IARS2: variants seen among roughly 807,000 people sequenced by gnomAD.
The protein encoded by IARS2 is isoleucine--tRNA ligase, mitochondrial.
IARS2 carries 56 observed loss-of-function variants against 126.3 expected under a neutral mutation model. The ratio of observed to expected loss-of-function variants is 0.44; its 90% CI spans 0.36 to 0.55. The LOEUF (loss-of-function observed/expected upper bound fraction) is 0.55, where lower values mean the gene tolerates loss of function less well. Ranked by LOEUF, IARS2 falls within the 20% of genes least tolerant of loss-of-function variation. IARS2 has a pLI of 0.00. For synonymous variants in IARS2, 407 were observed against 441.1 expected (o/e 0.92, Z 0.97); for missense variants, 1,127 against 1,245.9 (o/e 0.90, Z 1.44).
At chr1:220,129,235 T>G (rs1393161336) in intron 14 of IARS2, among the ~76,000 whole-genome samples, 1 of 152,218 alleles carries the variant, frequency 6.6e-6, no homozygotes, top group Non-Finnish European at 1.5e-5. Context: ...AAATTTTAAA[T>G]TAATTCATAA....
At chr1:220,116,770 A>G (rs1480386577) in intron 12 of IARS2, among the ~76,000 whole-genome samples, 1 of 152,088 alleles carries the variant, frequency 6.6e-6, no homozygotes, top group Non-Finnish European at 1.5e-5. Flanking sequence ...TATTTTTGAT[A>G]CAGTCTCACT....
intron 10 of IARS2, among the ~76,000 whole-genome samples, chr1:220,108,681 G>A (rs1019200078): frequency 4.0e-5 from 6 of 151,156 alleles, no homozygotes; most frequent in African/African-American, 1.5e-4. Context: ...CACCGCACCC[G>A]GCCTATTTTT....
At chr1:220,111,925 T>C (rs1415050744) in intron 11 of IARS2, among the ~76,000 whole-genome samples, 1 of 152,098 alleles carries the variant, frequency 6.6e-6, no homozygotes, top group African/African-American at 2.4e-5. Flanking sequence ...TCTGCACCGA[T>C]TTTTGGTTGT....
intron 14 of IARS2, among the ~76,000 whole-genome samples, chr1:220,129,269 G>A (rs371992364): frequency 4.5e-4 from 68 of 152,272 alleles, no homozygotes; most frequent in African/African-American, 1.3e-3. Flanking sequence ...TATTGAGTAC[G>A]TGTAGTGTTT....
At chr1:220,119,137 C>T (rs892036445) in intron 12 of IARS2, among the ~76,000 whole-genome samples, 2 of 151,758 alleles carry the variant, frequency 1.3e-5, no homozygotes, top group Non-Finnish European at 2.9e-5. Flanking sequence ...GTCCATAACA[C>T]GCTAAATAAG....
chr1:220,095,773 A>G (rs1296704903), intron 1 of IARS2, among the ~76,000 whole-genome samples: 2 of 152,226 alleles, frequency 1.3e-5, no homozygotes. Flanking sequence ...GTCCTTCAAC[A>G]TGTCGGGGGT....
chr1:220,146,155 T>C (rs1419252017), intron 22 of IARS2, among the ~76,000 whole-genome samples: 1 of 152,186 alleles, frequency 6.6e-6, no homozygotes, highest in Non-Finnish European at 1.5e-5. Flanking sequence ...TTTGTCGATA[T>C]TTGTTTTATA....
At position 220,112,355 on chromosome 1, in the gene IARS2, C is replaced by T. The variant is rs1167445220; in HGVS notation, c.1479+1418C>T. Among the ~76,000 whole-genome samples the T allele has an allele frequency of 1.2e-4, 8 of 64,416 alleles. 1 individual carries two copies. The highest frequency in any genetic ancestry group is 2.3e-4 in the Non-Finnish European group (7 of 30,992). The allele number at this position is 64,416 out of a possible 152,430, so 42.3% of individuals were successfully genotyped here. On this transcript the variant is annotated intron_variant, in intron 11 of 22. Coordinates refer to ENST00000366922, the MANE Select transcript of IARS2 (RefSeq NM_018060.4). ...TTCACCTTGTTAGCCAGGATGGTCT[C>T]GATCTCCTGACCTCATGATCCACCC... is the stretch of plus-strand genomic sequence containing the variant.
chr1:220,132,525 CTT>C (rs1368575100), intron 14 of IARS2, among the ~76,000 whole-genome samples: 7 of 128,948 alleles, frequency 5.4e-5, no homozygotes, highest in Non-Finnish European at 8.2e-5. Flanking sequence ...CTTTCTCTCT[CTT>C]TTTTTTTTTT....
chr1:220,100,373 A>C, intron 2 of IARS2, 117 bp from the exon 3 acceptor site: 1 of 858,600 alleles, frequency 1.2e-6, no homozygotes, highest in South Asian at 2.3e-5. Flanking sequence ...AAAGAACATA[A>C]ATTGTAGGCC....
chr1:220,146,517 C>CAAAAAAAAAAAAA (rs1186000971), intron 22 of IARS2, among the ~76,000 whole-genome samples: 3 of 62,056 alleles, frequency 4.8e-5, no homozygotes, highest in African/African-American at 1.7e-4. Context: ...GACTCCGTCT[C>CAAAAAAAAAAAAA]AAAAAAAAAA....
chr1:220,132,273 A>G (rs1315107267), intron 14 of IARS2, among the ~76,000 whole-genome samples: 1 of 152,004 alleles, frequency 6.6e-6, no homozygotes, highest in Non-Finnish European at 1.5e-5. Context: ...TTCTTTATAT[A>G]TTTGGTAGAA....
intron 11 of IARS2, 115 bp downstream of exon 11, chr1:220,111,052 T>C: frequency 1.1e-6 from 1 of 929,338 alleles, no homozygotes. Flanking sequence ...GCTATTATGA[T>C]TTAGTTTCAT....
chr1:220,119,158 G>A (rs1273498133), intron 12 of IARS2, among the ~76,000 whole-genome samples: 1 of 152,064 alleles, frequency 6.6e-6, no homozygotes, highest in Admixed American at 6.6e-5. Flanking sequence ...CCTCATTCCG[G>A]TTGATATCGA....
At position 220,107,054 on chromosome 1, in the gene IARS2, T is replaced by A; in HGVS notation, c.1237-7T>A. The A allele has an allele frequency of 6.4e-7, 1 of 1,570,642 alleles. No homozygotes were observed. On this transcript the variant is annotated splice_region_variant and splice_polypyrimidine_tract_variant and intron_variant, in intron 9 of 22. Transcript: ENST00000366922. ...ATATTTTAATTGTTCAAAATGATAC[T>A]TTATAGGATTGTCTAGTGGACGAAG...
Position 220,114,119 on chromosome 1 carries a change from C to T in IARS2, c.1480-195C>T, listed in dbSNP as rs73096599. Reference sequence around the variant, plus strand: ...TCCCGATATTATTTATTAAGTTCTTCGCGGCTCCATTTTTACTTTGCCTTA... The same window carrying T: ...TCCCGATATTATTTATTAAGTTCTTTGCGGCTCCATTTTTACTTTGCCTTA... On this transcript the variant is annotated intron_variant, in intron 11 of 22. Transcript: ENST00000366922. 0.13 allele frequency among the ~76,000 whole-genome samples: 19,660 copies of T among 152,078 alleles called. 1,379 individuals are homozygous for T. Among genetic ancestry groups the T allele is most frequent in the South Asian group, 0.2 (944 of 4,820 alleles).
chr1:220,143,320 CAA>C (rs1401695190), intron 21 of IARS2, 186 bp downstream of exon 21: 1 of 385,142 alleles, frequency 2.6e-6, no homozygotes, highest in African/African-American at 2.1e-5. Context: ...ATAAATTAAG[CAA>C]AGTCATGCAC....
chr1:220,124,324 ATT>A (rs1453040852), intron 12 of IARS2, among the ~76,000 whole-genome samples: 1 of 152,136 alleles, frequency 6.6e-6, no homozygotes, highest in Non-Finnish European at 1.5e-5. Flanking sequence ...TCTGTTATTT[ATT>A]TGATAGGGGT....
intron 12 of IARS2, chr1:220,118,147 T>G (rs962892178): frequency 1.6e-5 from 8 of 496,524 alleles, no homozygotes; most frequent in Non-Finnish European, 3.4e-5. Flanking sequence ...TACCTTTATA[T>G]TGTAGCAAGT....
Sources: allele counts gnomAD v4.1 joint callset (sites outside exome capture counted in the v4.1 genomes callset), GRCh38; gene constraint gnomAD v4.1.1; transcripts MANE v1.5; gene names NCBI Gene and HGNC (gene_info 2026-07-23, HGNC 2026-07-21).